The following PRKG1 variants were observed in gnomAD, a reference collection of about 807,000 sequenced individuals.
PRKG1 encodes cGMP-dependent protein kinase 1.
In PRKG1, 35 loss-of-function variants were observed where a neutral mutation model predicts 88.1. That is an observed-to-expected ratio of 0.40 (90% CI 0.30 to 0.53). The LOEUF is 0.53. Among genes scored for constraint, PRKG1 ranks in the 20% least tolerant of loss-of-function variants. The pLI is 0.59. For missense variants in PRKG1, 540 were observed against 839.8 expected (o/e 0.64, Z 4.41); for synonymous variants, 303 against 292.5 (o/e 1.04, Z -0.37).
intron 2 of PRKG1, among the ~76,000 whole-genome samples, chr10:51,194,654 C>T (rs754982188): frequency 6.6e-6 from 1 of 151,902 alleles, no homozygotes; most frequent in Admixed American, 6.6e-5. Context: ...AGTAGTTTTT[C>T]GGTGTGTGTA....
chr10:52,108,431 T>A (rs1371783165), intron 7 of PRKG1, among the ~76,000 whole-genome samples: 1 of 152,202 alleles, frequency 6.6e-6, no homozygotes, highest in Admixed American at 6.5e-5. Flanking sequence ...GTAGCAACCC[T>A]GCTCTTGTTT....
At chr10:51,255,460 G>A (rs535462924) in intron 2 of PRKG1, among the ~76,000 whole-genome samples, 135 of 152,160 alleles carry the variant, frequency 8.9e-4, no homozygotes, top group African/African-American at 3.2e-3. Context: ...CTTAAACAAC[G>A]ACATTTATTT....
chr10:51,299,500 C>T, intron 2 of PRKG1: 1 of 461,824 alleles, frequency 2.2e-6, no homozygotes, highest in African/African-American at 2.0e-5. Context: ...GCCACCATGC[C>T]CCGCCTCTTT....
intron 3 of PRKG1, among the ~76,000 whole-genome samples, chr10:51,563,459 G>A (rs1354857570): frequency 6.6e-6 from 1 of 152,020 alleles, no homozygotes; most frequent in Non-Finnish European, 1.5e-5. Context: ...TGCTAAATGA[G>A]TTTCTCAGTG....
chr10:51,249,832 A>G (rs545084109), intron 2 of PRKG1, among the ~76,000 whole-genome samples: 8 of 151,818 alleles, frequency 5.3e-5, no homozygotes, highest in Non-Finnish European at 1.0e-4. Context: ...TGTGCATTCT[A>G]ATAGCCGGGC....
rs542706376 is a variant in PRKG1 at position 51,330,828 on chromosome 10, T to C, written c.479-136895T>C. Among the ~76,000 whole-genome samples the C allele has an allele frequency of 3.3e-5, 5 of 152,356 alleles. No individual in the cohort carries two copies. The East Asian group carries it at 9.6e-4, about 29-fold the overall frequency. ...AAGCAATTATGTTTGTTTAGTGATATGATATTTCCCCAATAGTTCTTGATC... is the reference window on the plus strand; with the variant it reads ...AAGCAATTATGTTTGTTTAGTGATACGATATTTCCCCAATAGTTCTTGATC... On this transcript the variant is annotated intron_variant, in intron 2 of 17. Coordinates refer to ENST00000373980, the MANE Select transcript of PRKG1 (RefSeq NM_006258.4).
At chr10:51,110,834 A>G (rs527259998) in intron 1 of PRKG1, among the ~76,000 whole-genome samples, 1 of 152,260 alleles carries the variant, frequency 6.6e-6, no homozygotes, top group Non-Finnish European at 1.5e-5. Context: ...TGCGGAATCC[A>G]CTTAAAAGAT....
intron 4 of PRKG1, among the ~76,000 whole-genome samples, chr10:51,805,549 C>A (rs966095838): frequency 1.3e-5 from 2 of 151,828 alleles, no homozygotes. Context: ...GAGTGTACTG[C>A]TAATTAAGGT....
At chr10:52,218,927 A>G (rs1840178268) in intron 9 of PRKG1, among the ~76,000 whole-genome samples, 1 of 152,186 alleles carries the variant, frequency 6.6e-6, no homozygotes, top group Non-Finnish European at 1.5e-5. Flanking sequence ...AGAGAATATT[A>G]TGACCAGTTT....
intron 1 of PRKG1, among the ~76,000 whole-genome samples, chr10:51,026,479 T>C (rs1305288754): frequency 6.6e-6 from 1 of 152,158 alleles, no homozygotes; most frequent in Non-Finnish European, 1.5e-5. Flanking sequence ...GCCTGGATGA[T>C]CTTGCACCTC....
At chr10:52,070,692 A>G (rs1846474895) in intron 7 of PRKG1, among the ~76,000 whole-genome samples, 1 of 152,192 alleles carries the variant, frequency 6.6e-6, no homozygotes, top group Admixed American at 6.5e-5. Context: ...ATTCGGTGCT[A>G]CATTTTTAAT....
intron 1 of PRKG1, among the ~76,000 whole-genome samples, chr10:51,112,090 A>T (rs1368550413): frequency 6.6e-6 from 1 of 152,174 alleles, no homozygotes; most frequent in African/African-American, 2.4e-5. Context: ...TATGTTAAAG[A>T]CAGTAAAGAA....
At chr10:51,184,964 C>T (rs1420381646) in intron 2 of PRKG1, among the ~76,000 whole-genome samples, 2 of 152,106 alleles carry the variant, frequency 1.3e-5, no homozygotes, top group Non-Finnish European at 2.9e-5. Context: ...TGTCCAGAGA[C>T]CACCAGTCCC....
At chr10:52,217,347 T>TCTAC (rs1220209017) in intron 9 of PRKG1, among the ~76,000 whole-genome samples, 1 of 143,674 alleles carries the variant, frequency 7.0e-6, no homozygotes, top group African/African-American at 2.5e-5. Flanking sequence ...TATATATCTA[T>TCTAC]CTATCTATAT....
intron 2 of PRKG1, among the ~76,000 whole-genome samples, chr10:51,188,328 C>T (rs56142495): frequency 0.053 from 8,056 of 151,934 alleles, 396 homozygotes; most frequent in African/African-American, 0.13. Context: ...TGTACTTTTT[C>T]CATCTTGACA....
chr10:52,058,393 A>G (rs1036495499), intron 6 of PRKG1, among the ~76,000 whole-genome samples: 2 of 152,062 alleles, frequency 1.3e-5, no homozygotes, highest in African/African-American at 4.8e-5. Flanking sequence ...ATGCCAAATG[A>G]TGCAGTGAAA....
At chr10:51,283,871 T>C (rs953908353) in intron 2 of PRKG1, among the ~76,000 whole-genome samples, 11 of 152,222 alleles carry the variant, frequency 7.2e-5, no homozygotes, top group African/African-American at 2.7e-4. Context: ...AAACCCAATT[T>C]TATCAGTAAA....
At chr10:52,091,704 T>C (rs2133323996) in intron 7 of PRKG1, among the ~76,000 whole-genome samples, 1 of 152,300 alleles carries the variant, frequency 6.6e-6, no homozygotes, top group South Asian at 2.1e-4. Flanking sequence ...TTTTATTTTG[T>C]AGAGATTTAA....
At chr10:51,185,125 A>C (rs929040354) in intron 2 of PRKG1, among the ~76,000 whole-genome samples, 1 of 152,190 alleles carries the variant, frequency 6.6e-6, no homozygotes, top group Non-Finnish European at 1.5e-5. Flanking sequence ...AGAATAGCTA[A>C]ACTTGCAGAT....
Sources: allele counts gnomAD v4.1 joint callset (sites outside exome capture counted in the v4.1 genomes callset), GRCh38; gene constraint gnomAD v4.1.1; transcripts MANE v1.5; gene names NCBI Gene and HGNC (gene_info 2026-07-23, HGNC 2026-07-21).